NKAIN2: variants seen among roughly 807,000 people sequenced by gnomAD.
The protein encoded by NKAIN2 is sodium/potassium-transporting ATPase subunit beta-1-interacting protein 2.
In NKAIN2, 14 loss-of-function variants were observed where a neutral mutation model predicts 32.6. The ratio of observed to expected loss-of-function variants is 0.43; its 90% CI spans 0.28 to 0.67. The LOEUF is 0.67. NKAIN2 is among the 30% of genes least tolerant of loss of function. The probability of loss-of-function intolerance (pLI) is 0.17; values close to 1 mark genes in which losing one functional copy is unlikely to be tolerated. For missense variants in NKAIN2, 198 were observed against 258.3 expected (o/e 0.77, Z 1.60); for synonymous variants, 80 against 87.2 (o/e 0.92, Z 0.46).
chr6:124,478,980 A>G (rs1277507927), intron 3 of NKAIN2, among the ~76,000 whole-genome samples: 1 of 152,164 alleles, frequency 6.6e-6, no homozygotes, highest in Non-Finnish European at 1.5e-5. Flanking sequence ...TGTGATAAGA[A>G]TAGCACTTTA....
chr6:124,199,694 G>C (rs1297203202), intron 1 of NKAIN2, among the ~76,000 whole-genome samples: 2 of 152,134 alleles, frequency 1.3e-5, no homozygotes, highest in African/African-American at 2.4e-5. Context: ...TTTACAGTAT[G>C]GGGTGCCACA....
intron 3 of NKAIN2, among the ~76,000 whole-genome samples, chr6:124,440,709 T>C (rs986165513): frequency 6.6e-6 from 1 of 152,086 alleles, no homozygotes; most frequent in Non-Finnish European, 1.5e-5. Flanking sequence ...CTTCTCTCTT[T>C]GCTTCGTAGT....
chr6:124,240,426 G>T (rs536806640), intron 1 of NKAIN2, among the ~76,000 whole-genome samples: 9 of 152,036 alleles, frequency 5.9e-5, no homozygotes, highest in African/African-American at 2.2e-4. Context: ...ATCAAAACCC[G>T]GTAGAGACAC....
chr6:124,721,855 T>A (rs1005034085), intron 4 of NKAIN2, among the ~76,000 whole-genome samples: 5 of 152,250 alleles, frequency 3.3e-5, no homozygotes, highest in Admixed American at 3.3e-4. Context: ...TTTATCTATT[T>A]TTAAGTATAC....
intron 1 of NKAIN2, among the ~76,000 whole-genome samples, chr6:123,967,235 G>A (rs1778123362): frequency 6.6e-6 from 1 of 152,132 alleles, no homozygotes; most frequent in Non-Finnish European, 1.5e-5. Context: ...GTGGGAGTGG[G>A]TGTGCACATG....
intron 3 of NKAIN2, among the ~76,000 whole-genome samples, chr6:124,625,940 T>TA (rs959638640): frequency 6.6e-6 from 1 of 151,840 alleles, no homozygotes; most frequent in African/African-American, 2.4e-5. Context: ...TTTGTTTTTT[T>TA]AAAAATTTTA....
chr6:123,855,015 A>G (rs1562221438), intron 1 of NKAIN2, among the ~76,000 whole-genome samples: 5 of 152,334 alleles, frequency 3.3e-5, no homozygotes, highest in Admixed American at 6.5e-5. Flanking sequence ...TCCGAATGTC[A>G]TTATATTCTA....
intron 3 of NKAIN2, among the ~76,000 whole-genome samples, chr6:124,533,602 G>A (rs913012966): frequency 6.6e-6 from 1 of 151,372 alleles, no homozygotes; most frequent in African/African-American, 2.4e-5. Context: ...ATCTTTATCT[G>A]CAAGTGGATC....
At chr6:123,978,433 ATG>A (rs1778741206) in intron 1 of NKAIN2, among the ~76,000 whole-genome samples, 2 of 152,194 alleles carry the variant, frequency 1.3e-5, no homozygotes, top group African/African-American at 2.4e-5. Flanking sequence ...CAGAATATAA[ATG>A]GAGTATAGCC....
chr6:124,352,553 T>A (rs1798780930), intron 2 of NKAIN2, among the ~76,000 whole-genome samples: 1 of 152,218 alleles, frequency 6.6e-6, no homozygotes, highest in South Asian at 2.1e-4. Context: ...CAGGAGAGTT[T>A]GATATGTGTA....
intron 2 of NKAIN2, among the ~76,000 whole-genome samples, chr6:124,321,736 T>C (rs1797200665): frequency 6.6e-6 from 1 of 152,158 alleles, no homozygotes; most frequent in Non-Finnish European, 1.5e-5. Flanking sequence ...GGCTTGCAGT[T>C]CATCCCTGGA....
chr6:124,796,789 C>G (rs1015759574), intron 5 of NKAIN2, among the ~76,000 whole-genome samples: 12 of 152,146 alleles, frequency 7.9e-5, no homozygotes, highest in African/African-American at 2.7e-4. Context: ...GGCAGTGATA[C>G]ATCTTGGGAG....
chr6:124,458,866 A>C (rs1776421446), intron 3 of NKAIN2, among the ~76,000 whole-genome samples: 1 of 151,728 alleles, frequency 6.6e-6, no homozygotes, highest in Non-Finnish European at 1.5e-5. Context: ...TATAGTCATG[A>C]ATGAGTAAAT....
At chr6:124,437,185 A>G (rs1176746394) in intron 3 of NKAIN2, among the ~76,000 whole-genome samples, 3 of 152,206 alleles carry the variant, frequency 2.0e-5, no homozygotes, top group Admixed American at 2.0e-4. Context: ...AACAACTTAA[A>G]TCATACTGTA....
intron 1 of NKAIN2, among the ~76,000 whole-genome samples, chr6:124,267,376 G>T (rs1443715137): frequency 2.6e-5 from 4 of 151,572 alleles, no homozygotes; most frequent in African/African-American, 9.7e-5. Context: ...AGGCACAGTG[G>T]CTCATGCCTG....
chr6:123,897,266 A>G (rs904431357), intron 1 of NKAIN2, among the ~76,000 whole-genome samples: 12 of 152,002 alleles, frequency 7.9e-5, no homozygotes, highest in Non-Finnish European at 2.9e-5. Context: ...ACCCCTCATG[A>G]CCTGGTCTCT....
At chr6:124,700,957 C>T (rs991507748) in intron 4 of NKAIN2, among the ~76,000 whole-genome samples, 10 of 148,964 alleles carry the variant, frequency 6.7e-5, no homozygotes, top group African/African-American at 2.2e-4. Context: ...AATACACACA[C>T]ATATAAATAT....
intron 3 of NKAIN2, among the ~76,000 whole-genome samples, chr6:124,625,197 A>G (rs1384813454): frequency 2.0e-5 from 3 of 152,186 alleles, no homozygotes; most frequent in Non-Finnish European, 4.4e-5. Context: ...GAATATGAAC[A>G]TAAATTGTGA....
intron 1 of NKAIN2, among the ~76,000 whole-genome samples, chr6:124,228,511 A>T (rs1170335602): frequency 6.6e-6 from 1 of 152,150 alleles, no homozygotes; most frequent in Non-Finnish European, 1.5e-5. Context: ...CCAAAGCCCC[A>T]TCTTCAAATA....
Sources: allele counts gnomAD v4.1 joint callset (sites outside exome capture counted in the v4.1 genomes callset), GRCh38; gene constraint gnomAD v4.1.1; transcripts MANE v1.5; gene names NCBI Gene and HGNC (gene_info 2026-07-23, HGNC 2026-07-21).